TRIP12: variants seen among roughly 807,000 people sequenced by gnomAD.
TRIP12 encodes the protein E3 ubiquitin-protein ligase TRIP12.
TRIP12 carries 25 observed loss-of-function variants against 244.2 expected under a neutral mutation model. The observed-to-expected ratio is 0.10, with a 90% confidence interval of 0.07 to 0.14. The LOEUF (loss-of-function observed/expected upper bound fraction) is 0.14. Among genes scored for constraint, TRIP12 ranks in the 10% least tolerant of loss-of-function variants. TRIP12 has a pLI of 1.00. For missense variants in TRIP12, 1,677 were observed against 2,486.4 expected, an observed-to-expected ratio of 0.67 and a Z score of 6.92; for synonymous variants, 905 against 873.1, an observed-to-expected ratio of 1.04 and a Z score of -0.64.
intron 34 of TRIP12, among the ~76,000 whole-genome samples, chr2:229,785,508 A>G (rs540204420): frequency 8.5e-5 from 13 of 152,354 alleles, no homozygotes; most frequent in Admixed American, 1.3e-4. Context: ...TCAGCTGTTT[A>G]AAATATCCTT....
intron 4 of TRIP12, among the ~76,000 whole-genome samples, chr2:229,855,251 A>AG (rs2059393180): frequency 1.3e-5 from 2 of 152,224 alleles, no homozygotes; most frequent in South Asian, 4.1e-4. Flanking sequence ...TGCGCAACAC[A>AG]GGAAGACTCC....
chr2:229,842,122 T>C (rs1446107752), intron 4 of TRIP12, among the ~76,000 whole-genome samples: 2 of 152,212 alleles, frequency 1.3e-5, no homozygotes, highest in East Asian at 3.9e-4. Context: ...CTTTTGGGCC[T>C]TTTTCAAAAT....
At chr2:229,815,041 GT>G in intron 11 of TRIP12, 57 bp downstream of exon 11, 1 of 1,327,072 alleles carries the variant, frequency 7.5e-7, no homozygotes, top group Non-Finnish European at 1.0e-6. Flanking sequence ...AAATTCAAGA[GT>G]TTGAAACTTG....
intron 6 of TRIP12, among the ~76,000 whole-genome samples, chr2:229,832,775 T>C (rs775629798): frequency 6.6e-6 from 1 of 152,246 alleles, no homozygotes; most frequent in Non-Finnish European, 1.5e-5. Flanking sequence ...CTCAAATATA[T>C]TCTTTAGCAG....
chr2:229,880,513 C>T (rs866425005), intron 1 of TRIP12, among the ~76,000 whole-genome samples: 5 of 152,170 alleles, frequency 3.3e-5, no homozygotes, highest in Non-Finnish European at 5.9e-5. Context: ...AGTCTTGTGA[C>T]GGAATAGGTG....
chr2:229,891,363 T>C (rs544574662), intron 1 of TRIP12, among the ~76,000 whole-genome samples: 1 of 152,240 alleles, frequency 6.6e-6, no homozygotes, highest in South Asian at 2.1e-4. Flanking sequence ...AAGTGAAGTC[T>C]GCAGTAAGCT....
chr2:229,908,071 T>C (rs1393157574), intron 1 of TRIP12, among the ~76,000 whole-genome samples: 3 of 152,150 alleles, frequency 2.0e-5, no homozygotes, highest in South Asian at 4.1e-4. Context: ...TCATTATTCA[T>C]ACATTATCAC....
chr2:229,768,655 G>C lies in TRIP12; in HGVS notation c.5968C>G (p.Leu1990Val), dbSNP rs777424858. 2.5e-6 allele frequency: 4 copies of C among 1,612,640 alleles called. No homozygotes were observed. The highest frequency in any genetic ancestry group is 3.4e-6 in the Non-Finnish European group (4 of 1,179,698). ...CTTGGGCTACCAGTCACAAACTGGA[G>C]AAATAACCTCTGCTGCTCATTATCA... ...SFDNEQQRLFLQFVTGSPRLP... is the reference protein window; with the variant it reads ...SFDNEQQRLFVQFVTGSPRLP... Residue 1990 changes from leucine (L) to valine (V), a missense_variant, in exon 41 of 42, where the codon CTC becomes GTC. Leu to Val is a conservative substitution (Grantham distance 32). Transcript: ENST00000675903.
At chr2:229,872,107 A>AAAAAAG (rs1473395739) in intron 2 of TRIP12, among the ~76,000 whole-genome samples, 1 of 126,340 alleles carries the variant, frequency 7.9e-6, no homozygotes, top group Non-Finnish European at 1.6e-5. Flanking sequence ...GATATTGTAA[A>AAAAAAG]AAAAAAAAAA....
intron 4 of TRIP12, among the ~76,000 whole-genome samples, chr2:229,857,575 G>C (rs1027237898): frequency 1.3e-5 from 2 of 151,640 alleles, no homozygotes; most frequent in Non-Finnish European, 2.9e-5. Flanking sequence ...AGGTTGCAGT[G>C]AGCCAAGATC....
Position 229,797,730 on chromosome 2 carries a change from A to G in TRIP12, c.3584T>C (p.Leu1195Pro). Residue 1195 changes from leucine (L) to proline (P), a missense_variant, in exon 24 of 42, where the codon CTT becomes CCT. Physicochemically the swap from Leu to Pro is moderately conservative, Grantham distance 98 (BLOSUM62 -3). Transcript: ENST00000675903. ...MDGSNPALNV[L>P]QRLCAATEQL... is the part of the protein sequence containing the mutation. ...TTCGGTTGCAGCACAAAGTCTCTGA[A>G]GGACATTCAATGCAGGGTTGCTTCC... 6.2e-7 allele frequency: 1 copy of G among 1,613,968 alleles called. No homozygotes were observed. Among genetic ancestry groups the G allele is most frequent in the Non-Finnish European group, 8.5e-7 (1 of 1,179,906 alleles).
intron 30 of TRIP12, 28 bp downstream of exon 30, chr2:229,791,096 C>T (rs1354090203): frequency 1.9e-6 from 3 of 1,611,224 alleles, no homozygotes; most frequent in Admixed American, 1.7e-5. Context: ...AGTTGGCAAT[C>T]CATTTTCCCC....
intron 4 of TRIP12, among the ~76,000 whole-genome samples, chr2:229,854,823 CT>C (rs372183537): frequency 2.3e-3 from 345 of 152,312 alleles, no homozygotes; most frequent in African/African-American, 8.0e-3. Context: ...CTGTTCACCC[CT>C]ATCATTCTGT....
At chr2:229,818,820 T>G (rs2049148456) in intron 8 of TRIP12, among the ~76,000 whole-genome samples, 1 of 152,172 alleles carries the variant, frequency 6.6e-6, no homozygotes, top group Non-Finnish European at 1.5e-5. Flanking sequence ...TTTAACATTA[T>G]CTGTTTTAAG....
At position 229,774,004 on chromosome 2, in the gene TRIP12, A is replaced by G. The variant is rs1343215214; in HGVS notation, c.5694+93T>C. ...TGGTCCTGGGGATGTGGAAGGTCTC[A>G]AGCCATAGCGTGTGCAGCCAGAAGC... On this transcript the variant is annotated intron_variant, in intron 38 of 41. Transcript: ENST00000675903. 3 of 1,382,934 alleles carry G rather than the reference A, an allele frequency of 2.2e-6. No homozygotes were observed. In the East Asian group the frequency reaches 6.9e-5, roughly 32 times the overall value. 85.7% of individuals were successfully genotyped at this position (1,382,934 alleles called of 1,614,324 possible).
rs1320321985 is a variant in TRIP12 at position 229,764,851 on chromosome 2, ACTTT to A, written c.*2699_*2702del. 1 of 152,228 alleles carries A rather than the reference ACTTT, an allele frequency of 6.6e-6. No individual in the cohort carries two copies. Among genetic ancestry groups the A allele is most frequent in the Non-Finnish European group, 1.5e-5 (1 of 68,040 alleles). 9.4% of individuals were successfully genotyped at this position (152,228 alleles called of 1,614,324 possible). A position where few individuals can be genotyped will look rare whatever the true frequency, so the allele number is the denominator to read the frequency against. ...GTAAAGAGGGACTCCAAGCATAATT[ACTTT>A]CTTTATATCCTGCTAGTGAAAGTTC... On this transcript the variant is annotated 3_prime_UTR_variant, in exon 42 of 42. Transcript: ENST00000675903.
chr2:229,785,275 G>A (rs990329699), intron 34 of TRIP12, among the ~76,000 whole-genome samples: 19 of 152,320 alleles, frequency 1.2e-4, no homozygotes, highest in Middle Eastern at 3.4e-3. Flanking sequence ...GTTTATCAAG[G>A]GCTGAGGATG....
chr2:229,803,933 AG>A lies in TRIP12; in HGVS notation c.2879+65del, dbSNP rs367903440. On this transcript the variant is annotated intron_variant, in intron 19 of 41. Transcript: ENST00000675903. ...CATATTTTTTCTATTATTACTTTAG[AG>A]GTTTCTGAAATTACTTGCAGAGATT... 294 of 1,385,020 alleles carry A rather than the reference AG, an allele frequency of 2.1e-4. 2 individuals carry two copies. The South Asian group carries it at 4.0e-3, about 19-fold the overall frequency. 85.8% of individuals were successfully genotyped at this position (1,385,020 alleles called of 1,614,324 possible).
At chr2:229,861,537 G>C (rs1469786945) in intron 2 of TRIP12, among the ~76,000 whole-genome samples, 2 of 152,208 alleles carry the variant, frequency 1.3e-5, no homozygotes, top group Middle Eastern at 3.4e-3. Flanking sequence ...TTAAAAAAAA[G>C]TTTAAGGCTT....
Sources: gnomAD v4.1 joint callset for allele counts (sites outside exome capture counted in the v4.1 genomes callset) on GRCh38, gnomAD v4.1.1 for gene constraint, MANE v1.5 for transcripts, NCBI Gene and HGNC (gene_info 2026-07-23, HGNC 2026-07-21) for gene names.